ACAP2: variants seen among roughly 807,000 people sequenced by gnomAD.
ACAP2 encodes the protein ArfGAP with coiled-coil, ankyrin repeat and PH domains 2.
ACAP2 carries 39 observed loss-of-function variants against 115.8 expected under a neutral mutation model. That is an observed-to-expected ratio of 0.34 (90% CI 0.26 to 0.44). ACAP2 has a LOEUF of 0.44. Among genes scored for constraint, ACAP2 ranks in the 20% least tolerant of loss-of-function variants. The pLI is 1.00. For synonymous variants in ACAP2, 289 were observed against 315.8 expected (o/e 0.92, Z 0.90); for missense variants, 662 against 927.6 (o/e 0.71, Z 3.72).
intron 10 of ACAP2, among the ~76,000 whole-genome samples, chr3:195,313,620 A>G (rs1183234559): frequency 6.6e-6 from 1 of 152,210 alleles, no homozygotes; most frequent in Non-Finnish European, 1.5e-5. Flanking sequence ...ATAGAAATAA[A>G]ACATTTACAT....
intron 4 of ACAP2, among the ~76,000 whole-genome samples, chr3:195,369,563 C>G (rs1732978705): frequency 6.6e-6 from 1 of 152,182 alleles, no homozygotes; most frequent in South Asian, 2.1e-4. Flanking sequence ...TGGCTTCCAG[C>G]TCCATCCATG....
Position 195,287,396 on chromosome 3 carries a change from C to T in ACAP2, c.2175-1539G>A, listed in dbSNP as rs112693235. Among the ~76,000 whole-genome samples the T allele has an allele frequency of 4.5e-4, 65 of 144,350 alleles. No homozygotes were observed. In the Middle Eastern group the frequency reaches 0.017, roughly 38 times the overall value. 94.7% of individuals were successfully genotyped at this position (144,350 alleles called of 152,430 possible). A position where few individuals can be genotyped will look rare whatever the true frequency, so the allele number is the denominator to read the frequency against. ...AATCTTAAAATTAATCAAGTATTCA[C>T]GTAAATAATTTTTTTTTTTTTTGAG... On this transcript the variant is annotated intron_variant, in intron 21 of 22. Transcript: ENST00000326793.
intron 1 of ACAP2, among the ~76,000 whole-genome samples, chr3:195,398,536 C>G (rs1482331995): frequency 2.0e-5 from 3 of 151,940 alleles, no homozygotes; most frequent in African/African-American, 4.8e-5. Flanking sequence ...ACTCGGGAGG[C>G]TGAGGCAGGA....
intron 21 of ACAP2, among the ~76,000 whole-genome samples, chr3:195,288,165 A>G (rs1048533474): frequency 3.3e-5 from 5 of 152,170 alleles, no homozygotes; most frequent in Non-Finnish European, 5.9e-5. Context: ...CAGGCAGTAT[A>G]GCATAAATGG....
intron 4 of ACAP2, among the ~76,000 whole-genome samples, chr3:195,373,748 A>T (rs1443651451): frequency 6.6e-6 from 1 of 151,062 alleles, no homozygotes; most frequent in Non-Finnish European, 1.5e-5. Flanking sequence ...TGGTCAACAT[A>T]GTGAAAGCCC....
chr3:195,420,300 A>C (rs823311), intron 1 of ACAP2, among the ~76,000 whole-genome samples: 1 of 151,756 alleles, frequency 6.6e-6, no homozygotes, highest in African/African-American at 2.4e-5. Flanking sequence ...CGCTTGGAGG[A>C]CTTTTTGAAT....
intron 1 of ACAP2, among the ~76,000 whole-genome samples, chr3:195,422,734 C>T (rs1243161347): frequency 1.2e-4 from 18 of 152,056 alleles, no homozygotes; most frequent in Admixed American, 1.2e-3. Flanking sequence ...GAACATGTCA[C>T]ATCTCTTTAA....
intron 18 of ACAP2, among the ~76,000 whole-genome samples, chr3:195,293,740 C>T (rs1371504604): frequency 6.6e-6 from 1 of 151,970 alleles, no homozygotes; most frequent in South Asian, 2.1e-4. Context: ...ACTTGGGAGG[C>T]TGAGTAGGAG....
chr3:195,368,297 G>GC, intron 4 of ACAP2, among the ~76,000 whole-genome samples: 1 of 152,094 alleles, frequency 6.6e-6, no homozygotes, highest in Non-Finnish European at 1.5e-5. Flanking sequence ...TTACCGGCAT[G>GC]CACCACTATG....
At chr3:195,314,722 TAGC>T (rs1205487650) in intron 10 of ACAP2, among the ~76,000 whole-genome samples, 9 of 152,192 alleles carry the variant, frequency 5.9e-5, no homozygotes, top group Admixed American at 3.3e-4. Flanking sequence ...AATATTTAAA[TAGC>T]AGGCAGAAAA....
At chr3:195,404,660 T>TACAC (rs541037995) in intron 1 of ACAP2, among the ~76,000 whole-genome samples, 2 of 150,354 alleles carry the variant, frequency 1.3e-5, no homozygotes, top group African/African-American at 4.9e-5. Flanking sequence ...TTGCCATATA[T>TACAC]ACACACACAC....
chr3:195,405,107 G>A (rs1016031541), intron 1 of ACAP2, among the ~76,000 whole-genome samples: 8 of 149,668 alleles, frequency 5.3e-5, no homozygotes, highest in African/African-American at 2.0e-4. Flanking sequence ...GCCTATTGCC[G>A]CTTAAACACA....
intron 1 of ACAP2, among the ~76,000 whole-genome samples, chr3:195,431,751 T>C (rs1053559863): frequency 2.0e-5 from 3 of 151,968 alleles, no homozygotes; most frequent in East Asian, 1.9e-4. Context: ...CCAGCCTCTA[T>C]GTTTAACTTC....
chr3:195,350,074 TAGAC>T (rs1382117699), intron 4 of ACAP2: 11 of 160,298 alleles, frequency 6.9e-5, no homozygotes, highest in Non-Finnish European at 9.5e-5. Context: ...CACACACAAA[TAGAC>T]AGAATCATGG....
rs771278973 is a variant in ACAP2, at chr3:195,292,373, A to G, written c.1845T>C (p.Tyr615=). The change falls in exon 19 of 23, where the codon TAT becomes TAC. Residue 615 remains tyrosine (Y), a synonymous_variant. Transcript: ENST00000326793. ...NPGLQLYRAS[Y]EKNLPKMAEA... ...CAGCCATTTTAGGAAGGTTTTTTTCATATGACGCCCTATAAAGCTGAAGTC... is the reference window on the plus strand; with the variant it reads ...CAGCCATTTTAGGAAGGTTTTTTTCGTATGACGCCCTATAAAGCTGAAGTC... 7.4e-6 allele frequency: 12 copies of G among 1,614,118 alleles called. No homozygotes were observed. Among genetic ancestry groups the G allele is most frequent in the Non-Finnish European group, 1.0e-5 (12 of 1,180,008 alleles).
At chr3:195,427,533 T>C (rs769099402) in intron 1 of ACAP2, among the ~76,000 whole-genome samples, 1 of 152,230 alleles carries the variant, frequency 6.6e-6, no homozygotes, top group African/African-American at 2.4e-5. Flanking sequence ...ATAGCCTATA[T>C]GGTTCCTAGA....
chr3:195,426,523 G>A (rs1295659280), intron 1 of ACAP2, among the ~76,000 whole-genome samples: 1 of 152,144 alleles, frequency 6.6e-6, no homozygotes, highest in Non-Finnish European at 1.5e-5. Context: ...ATCTAGAGAA[G>A]CAGGGTATCA....
chr3:195,389,446 T>C (rs1359692462), intron 2 of ACAP2, among the ~76,000 whole-genome samples: 2 of 152,238 alleles, frequency 1.3e-5, no homozygotes, highest in Non-Finnish European at 2.9e-5. Flanking sequence ...ATTACCTTAC[T>C]CTTATTTCAT....
At chr3:195,356,924 A>C (rs1174112421) in intron 4 of ACAP2, among the ~76,000 whole-genome samples, 1 of 150,018 alleles carries the variant, frequency 6.7e-6, no homozygotes, top group Non-Finnish European at 1.5e-5. Flanking sequence ...ACGAGGAAAG[A>C]CTCCTTCTGC....
Sources: gnomAD v4.1 joint callset for allele counts (sites outside exome capture counted in the v4.1 genomes callset) on GRCh38, gnomAD v4.1.1 for gene constraint, MANE v1.5 for transcripts, NCBI Gene and HGNC (gene_info 2026-07-23, HGNC 2026-07-21) for gene names.